MTLN: variants seen among roughly 807,000 people sequenced by gnomAD.
The protein encoded by MTLN is mitoregulin, also known as TP53-inhibiting lncRNA.
chr2:110,212,015 C>T (rs1343006174), intron 1 of MTLN, among the ~76,000 whole-genome samples, 200 bp downstream of exon 1: 1 of 152,164 alleles, frequency 6.6e-6, no homozygotes, highest in Non-Finnish European at 1.5e-5. Flanking sequence ...CGACATAGCA[C>T]GTTGGTAAGA....
Position 110,212,220 on chromosome 2 carries a change from C to T in MTLN, c.*135G>A. ...TCACTATGTGTACTGCTCACCAACACTCCAGGAAGAGCCGGCCATGGCAGG... is the reference window on the plus strand; with the variant it reads ...TCACTATGTGTACTGCTCACCAACATTCCAGGAAGAGCCGGCCATGGCAGG... On this transcript the variant is annotated 3_prime_UTR_variant, in exon 1 of 2. Transcript: ENST00000611969. 2.5e-6 allele frequency: 1 copy of T among 397,684 alleles called. No homozygotes were observed. The highest frequency in any genetic ancestry group is 4.4e-6 in the Non-Finnish European group (1 of 225,784). 24.6% of individuals were successfully genotyped at this position (397,684 alleles called of 1,614,324 possible).
At chr2:110,211,885 T>G (rs1686108437) in intron 1 of MTLN, among the ~76,000 whole-genome samples, 1 of 152,224 alleles carries the variant, frequency 6.6e-6, no homozygotes, top group African/African-American at 2.4e-5. Flanking sequence ...GGCGAAGATG[T>G]GCTAACAAGG....
chr2:110,212,088 C>G lies in MTLN; in HGVS notation c.*140+127G>C, dbSNP rs573496940. On this transcript the variant is annotated intron_variant, in intron 1 of 1. Coordinates refer to ENST00000611969, the MANE Select transcript of MTLN (RefSeq NM_001384134.1). ...CCGAAGAGCAAGTTATCAGGGAAGA[C>G]AAAACTTCCACCTTCTGGTGTCTGT... is the stretch of plus-strand genomic sequence containing the variant. 2.2e-4 allele frequency: 77 copies of G among 342,724 alleles called. No individual in the cohort carries two copies. In the South Asian group the frequency reaches 2.9e-3, roughly 13 times the overall value. The allele number at this position is 342,724 out of a possible 1,614,324, so 21.2% of individuals were successfully genotyped here.
Position 110,212,305 on chromosome 2 carries a change from A to G in MTLN, c.*50T>C, listed in dbSNP as rs1433668851. The G allele has an allele frequency of 4.1e-5, 14 of 340,208 alleles. No homozygotes were observed. Among genetic ancestry groups the G allele is most frequent in the South Asian group, 1.3e-4 (1 of 7,434 alleles). The allele number at this position is 340,208 out of a possible 1,614,324, so 21.1% of individuals were successfully genotyped here. A position where few individuals can be genotyped will look rare whatever the true frequency, so the allele number is the denominator to read the frequency against. ...GGCGGACCGGGGCTCCGGCGCGGAC[A>G]TGGCAAGGTGGCCATGAGGGGGACA... On this transcript the variant is annotated 3_prime_UTR_variant, in exon 1 of 2. Transcript: ENST00000611969.
chr2:110,211,795 T>C (rs1686107083), intron 1 of MTLN, among the ~76,000 whole-genome samples, 173 bp from the exon 2 acceptor site: 1 of 152,204 alleles, frequency 6.6e-6, no homozygotes, highest in South Asian at 2.1e-4. Context: ...GCAAGGTTCC[T>C]GACTTCCAGG....
In MTLN at chr2:110,211,840, A is replaced by G. The variant is rs967230337; in HGVS notation, c.*141-218T>C. On this transcript the variant is annotated intron_variant, in intron 1 of 1. Transcript: ENST00000611969. ...TTTCCACTTTACCAGGCTGCCAACA[A>G]CCTAAGAATTCAGTTTGGAGTTTAC... Among the ~76,000 whole-genome samples, 5 of 152,236 alleles carry G rather than the reference A, an allele frequency of 3.3e-5. 1 individual carries two copies. In the South Asian group the frequency reaches 1.0e-3, roughly 32 times the overall value.
rs1315045388 is a variant in MTLN at position 110,212,546 on chromosome 2, G to C, written c.-21C>G. 5.0e-6 allele frequency: 2 copies of C among 398,924 alleles called. No homozygotes were observed. Among genetic ancestry groups the C allele is most frequent in the Middle Eastern group, 6.3e-4 (1 of 1,590 alleles). 24.7% of individuals were successfully genotyped at this position (398,924 alleles called of 1,614,324 possible). A position where few individuals can be genotyped will look rare whatever the true frequency, so the allele number is the denominator to read the frequency against. ...GCCATGGCTGCCGCCGGCGTGCAGC[G>C]CGGTCTACGGCGCGGCGGCGGGGTC... On this transcript the variant is annotated 5_prime_UTR_variant, in exon 1 of 2. Transcript: ENST00000611969.
In MTLN at chr2:110,211,988, G is replaced by C. The variant is rs1320498618; in HGVS notation, c.*140+227C>G. Among the ~76,000 whole-genome samples the C allele has an allele frequency of 3.3e-5, 5 of 152,222 alleles. No homozygotes were observed. The East Asian group carries it at 9.7e-4, about 30-fold the overall frequency. On this transcript the variant is annotated intron_variant, in intron 1 of 1. Transcript: ENST00000611969. ...AGTATTTTCTATACTGATGTTTAATGTTGTCAGGATGAACGACGACATAGC... is the reference window on the plus strand; with the variant it reads ...AGTATTTTCTATACTGATGTTTAATCTTGTCAGGATGAACGACGACATAGC...
chr2:110,212,465 C>T lies in MTLN; in HGVS notation c.61G>A (p.Val21Ile), dbSNP rs1301141440. Residue 21 changes from valine (V) to isoleucine (I), a missense_variant, in exon 1 of 2, where the codon GTA becomes ATA. Transcript: ENST00000611969. ...CGGTTCGCCTGCCAGCCCAGGAGTA[C>T]TCCAGAAGCGAAGGCTACTAGCACG... Reference protein sequence around the residue: ...LSVLVAFASGVLLGWQANRLR... With the variant: ...LSVLVAFASGILLGWQANRLR... 2.5e-6 allele frequency: 1 copy of T among 398,920 alleles called. No individual in the cohort carries two copies. The highest frequency in any genetic ancestry group is 4.4e-6 in the Non-Finnish European group (1 of 226,076). 24.7% of individuals were successfully genotyped at this position (398,920 alleles called of 1,614,324 possible).
rs1686121374 is a variant in MTLN at position 110,212,494 on chromosome 2, A to G, written c.32T>C (p.Leu11Ser). The G allele has an allele frequency of 2.5e-6, 1 of 398,836 alleles. No individual in the cohort carries two copies. The highest frequency in any genetic ancestry group is 4.4e-6 in the Non-Finnish European group (1 of 226,004). The allele number at this position is 398,836 out of a possible 1,614,324, so 24.7% of individuals were successfully genotyped here. A position where few individuals can be genotyped will look rare whatever the true frequency, so the allele number is the denominator to read the frequency against. ...AGAAGCGAAGGCTACTAGCACGGACAACTGCAGTGTCCTCTCTGACACATC... is the reference window on the plus strand; with the variant it reads ...AGAAGCGAAGGCTACTAGCACGGACGACTGCAGTGTCCTCTCTGACACATC... MADVSERTLQ[L>S]SVLVAFASGV... is the part of the protein sequence containing the mutation. The change falls in exon 1 of 2, where the codon TTG (leucine) becomes TCG (serine). Residue 11 changes from leucine (L) to serine (S), a missense_variant. Coordinates refer to ENST00000611969, the MANE Select transcript of MTLN (RefSeq NM_001384134.1).
chr2:110,212,078 T>A, intron 1 of MTLN, 137 bp downstream of exon 1: 1 of 326,846 alleles, frequency 3.1e-6, no homozygotes, highest in Non-Finnish European at 5.5e-6. Context: ...GAGCAAGTTA[T>A]CAGGGAAGAC....
Position 110,212,436 on chromosome 2 carries a change from C to T in MTLN, c.90G>A (p.Leu30=). ...GVLLGWQANR[L]RRRYLDWRKR... is the part of the protein sequence containing the mutation. ...TCCTCCAGTCCAAGTAGCGCCTCCG[C>T]AGTCGGTTCGCCTGCCAGCCCAGGA... is the stretch of plus-strand genomic sequence containing the variant. The change falls in exon 1 of 2, where the codon CTG becomes CTA. Residue 30 remains leucine, a synonymous_variant. Transcript: ENST00000611969. 1 of 399,434 alleles carries T rather than the reference C, an allele frequency of 2.5e-6. No homozygotes were observed. Among genetic ancestry groups the T allele is most frequent in the Non-Finnish European group, 4.4e-6 (1 of 226,424 alleles). 24.7% of individuals were successfully genotyped at this position (399,434 alleles called of 1,614,324 possible). A position where few individuals can be genotyped will look rare whatever the true frequency, so the allele number is the denominator to read the frequency against.
chr2:110,212,503 G>A lies in MTLN; in HGVS notation c.23C>T (p.Thr8Ile), dbSNP rs578075987. Residue 8 changes from threonine (T) to isoleucine (I), a missense_variant, in exon 1 of 2, where the codon ACA becomes ATA. Physicochemically the swap from Thr to Ile is moderately conservative, Grantham distance 89. Transcript: ENST00000611969. Reference protein sequence around the residue: MADVSERTLQLSVLVAFA... With the variant: MADVSERILQLSVLVAFA... ...GGCTACTAGCACGGACAACTGCAGT[G>A]TCCTCTCTGACACATCCGCCATGGC... The A allele has an allele frequency of 2.8e-5, 11 of 398,830 alleles. No individual in the cohort carries two copies. The highest frequency in any genetic ancestry group is 6.2e-4 in the Middle Eastern group (1 of 1,612). The allele number at this position is 398,830 out of a possible 1,614,324, so 24.7% of individuals were successfully genotyped here. A position where few individuals can be genotyped will look rare whatever the true frequency, so the allele number is the denominator to read the frequency against.
Position 110,212,324 on chromosome 2 carries a change from G to A in MTLN, c.*31C>T, listed in dbSNP as rs954447162. 1.8e-5 allele frequency: 6 copies of A among 340,276 alleles called. No individual in the cohort carries two copies. The highest frequency in any genetic ancestry group is 2.9e-5 in the Non-Finnish European group (6 of 207,068). 21.1% of individuals were successfully genotyped at this position (340,276 alleles called of 1,614,324 possible). A position where few individuals can be genotyped will look rare whatever the true frequency, so the allele number is the denominator to read the frequency against. ...GCGGACATGGCAAGGTGGCCATGAGGGGGACAGAATGGGGCGGAAGGCGCA... is the reference window on the plus strand; with the variant it reads ...GCGGACATGGCAAGGTGGCCATGAGAGGGACAGAATGGGGCGGAAGGCGCA... On this transcript the variant is annotated 3_prime_UTR_variant, in exon 1 of 2. Coordinates refer to ENST00000611969, the MANE Select transcript of MTLN (RefSeq NM_001384134.1).
chr2:110,211,830 G>C (rs1021918035), intron 1 of MTLN, among the ~76,000 whole-genome samples: 8 of 152,164 alleles, frequency 5.3e-5, no homozygotes, highest in African/African-American at 1.9e-4. Context: ...ACTTTACCAG[G>C]CTGCCAACAA....
rs1412706028 is a variant in MTLN, at chr2:110,212,510, C to G, written c.16G>C (p.Glu6Gln). The change falls in exon 1 of 2, where the codon GAG becomes CAG. Residue 6 changes from glutamate (E) to glutamine (Q), a missense_variant. Glu to Gln is a conservative substitution (Grantham distance 29). Coordinates refer to ENST00000611969, the MANE Select transcript of MTLN (RefSeq NM_001384134.1). MADVSERTLQLSVLVA... is the reference protein window; with the variant it reads MADVSQRTLQLSVLVA... ...AGCACGGACAACTGCAGTGTCCTCT[C>G]TGACACATCCGCCATGGCTGCCGCC... The G allele has an allele frequency of 5.0e-6, 2 of 398,820 alleles. No homozygotes were observed. Among genetic ancestry groups the G allele is most frequent in the Non-Finnish European group, 8.8e-6 (2 of 225,996 alleles). 24.7% of individuals were successfully genotyped at this position (398,820 alleles called of 1,614,324 possible).
In MTLN at chr2:110,212,266, T is replaced by C. The variant is rs1244125038; in HGVS notation, c.*89A>G. The C allele has an allele frequency of 5.1e-6, 2 of 394,948 alleles. No individual in the cohort carries two copies. 24.5% of individuals were successfully genotyped at this position (394,948 alleles called of 1,614,324 possible). A position where few individuals can be genotyped will look rare whatever the true frequency, so the allele number is the denominator to read the frequency against. On this transcript the variant is annotated 3_prime_UTR_variant, in exon 1 of 2. Coordinates refer to ENST00000611969, the MANE Select transcript of MTLN (RefSeq NM_001384134.1). ...GCAGGCGGGGACTGTGTGGCAAGCCTGGTTCTGGGCGCCGGCGGACCGGGG... is the reference window on the plus strand; with the variant it reads ...GCAGGCGGGGACTGTGTGGCAAGCCCGGTTCTGGGCGCCGGCGGACCGGGG...
chr2:110,211,909 G>C (rs1197912017), intron 1 of MTLN, among the ~76,000 whole-genome samples: 2 of 152,210 alleles, frequency 1.3e-5, no homozygotes, highest in East Asian at 3.8e-4. Context: ...TTACTGAAAA[G>C]AATTGGGGGT....
chr2:110,212,232 C>T lies in MTLN; in HGVS notation c.*123G>A. The T allele has an allele frequency of 2.5e-6, 1 of 397,778 alleles. No individual in the cohort carries two copies. The highest frequency in any genetic ancestry group is 4.4e-6 in the Non-Finnish European group (1 of 225,828). The allele number at this position is 397,778 out of a possible 1,614,324, so 24.6% of individuals were successfully genotyped here. The stretch of plus-strand genomic sequence containing the variant: ...CTGCTCACCAACACTCCAGGAAGAG[C>T]CGGCCATGGCAGGCGGGGACTGTGT... On this transcript the variant is annotated 3_prime_UTR_variant, in exon 1 of 2. Coordinates refer to ENST00000611969, the MANE Select transcript of MTLN (RefSeq NM_001384134.1).
Sources: gnomAD v4.1 joint callset for allele counts (sites outside exome capture counted in the v4.1 genomes callset) on GRCh38, gnomAD v4.1.1 for gene constraint, MANE v1.5 for transcripts, NCBI Gene and HGNC (gene_info 2026-07-23, HGNC 2026-07-21) for gene names.